The following CDK6 variants were observed in gnomAD, a reference collection of about 807,000 sequenced individuals.
CDK6 encodes the protein cyclin-dependent kinase 6.
CDK6 carries 6 observed loss-of-function variants against 37.1 expected under a neutral mutation model. The ratio of observed to expected loss-of-function variants is 0.16; its 90% confidence interval spans 0.09 to 0.32. CDK6 has a LOEUF of 0.32. Ranked by LOEUF, CDK6 falls within the 10% of genes least tolerant of loss-of-function variation. CDK6 has a pLI of 1.00. For synonymous variants in CDK6, 160 were observed against 161.3 expected (o/e 0.99, Z 0.06); for missense variants, 224 against 418.9 (o/e 0.53, Z 4.06).
At chr7:92,670,435 C>G (rs926951405) in intron 5 of CDK6, among the ~76,000 whole-genome samples, 1 of 152,102 alleles carries the variant, frequency 6.6e-6, no homozygotes, top group Admixed American at 6.6e-5. Context: ...TGTGAGCTAC[C>G]ATGGAGCTAC....
chr7:92,720,978 T>C (rs1355795977), intron 4 of CDK6, among the ~76,000 whole-genome samples: 4 of 152,232 alleles, frequency 2.6e-5, no homozygotes, highest in Non-Finnish European at 5.9e-5. Flanking sequence ...CCCTGTAACC[T>C]GTTCTCATTG....
rs1239555460 is a variant in CDK6 at position 92,614,337 on chromosome 7, A to AAATAGCCTGT, written c.*802_*803insACAGGCTATT. The AAATAGCCTGT allele has an allele frequency of 1.3e-5, 3 of 230,794 alleles. No homozygotes were observed. The highest frequency in any genetic ancestry group is 5.6e-5 in the Admixed American group (1 of 17,770). The allele number at this position is 230,794 out of a possible 1,614,324, so 14.3% of individuals were successfully genotyped here. A position where few individuals can be genotyped will look rare whatever the true frequency, so the allele number is the denominator to read the frequency against. ...TAAAAAGCTTACAGGCTATTTTCCA[A>AAATAGCCTGT]AAGAAATGATAAAGCATGATGTCAT... is the stretch of plus-strand genomic sequence containing the variant. On this transcript the variant is annotated 3_prime_UTR_variant, in exon 8 of 8. Transcript: ENST00000424848.
chr7:92,826,489 A>G (rs1801315889), intron 2 of CDK6, among the ~76,000 whole-genome samples: 1 of 152,148 alleles, frequency 6.6e-6, no homozygotes, highest in South Asian at 2.1e-4. Flanking sequence ...GAGAGGTACC[A>G]AGTGCACATT....
At chr7:92,799,833 G>A (rs1000802375) in intron 2 of CDK6, among the ~76,000 whole-genome samples, 3 of 152,132 alleles carry the variant, frequency 2.0e-5, no homozygotes, top group Non-Finnish European at 2.9e-5. Flanking sequence ...TTCCTATCTG[G>A]ATGGAGCTCT....
chr7:92,712,419 T>C (rs1235124629), intron 4 of CDK6, among the ~76,000 whole-genome samples: 2 of 151,584 alleles, frequency 1.3e-5, no homozygotes, highest in Non-Finnish European at 3.0e-5. Context: ...GGACTAACAA[T>C]ACTTGAGAAC....
rs114083221 is a variant in CDK6 at position 92,678,277 on chromosome 7, T to A, written c.538-6742A>T. On this transcript the variant is annotated intron_variant, in intron 4 of 7. Coordinates refer to ENST00000424848, the MANE Select transcript of CDK6 (RefSeq NM_001145306.2). The stretch of plus-strand genomic sequence containing the variant: ...CAAAAGTCGCTACTAATGGTAACAA[T>A]GCAGTTGTCTAGTAAGCAAAGACAA... Among the ~76,000 whole-genome samples, 490 of 152,272 alleles carry A rather than the reference T, an allele frequency of 3.2e-3. 1 individual carries two copies. Among genetic ancestry groups the A allele is most frequent in the African/African-American group, 0.011 (464 of 41,560 alleles).
At chr7:92,709,754 C>A (rs1321478791) in intron 4 of CDK6, among the ~76,000 whole-genome samples, 1 of 151,972 alleles carries the variant, frequency 6.6e-6, no homozygotes, top group Non-Finnish European at 1.5e-5. Flanking sequence ...AAAAGCAATC[C>A]TTAGCTTCCT....
chr7:92,790,346 A>G (rs1800251020), intron 2 of CDK6, among the ~76,000 whole-genome samples: 1 of 152,152 alleles, frequency 6.6e-6, no homozygotes, highest in Non-Finnish European at 1.5e-5. Context: ...ACCCTTGGCC[A>G]GTTTTCTACA....
rs1479181745 is a variant in CDK6 at position 92,778,946 on chromosome 7, T to TATATATATATATATATATATATAAAA, written c.234-4116_234-4115insTTTTATATATATATATATATATATAT. On this transcript the variant is annotated intron_variant, in intron 2 of 7. Transcript: ENST00000424848. ...TATCATATATATATATATATATATA[T>TATATATATATATATATATATATAAAA]AAGATATTATAGTAATTTCCAAAAG... Among the ~76,000 whole-genome samples the TATATATATATATATATATATATAAAA allele has an allele frequency of 1.2e-4, 16 of 135,000 alleles. 1 individual carries two copies. Among genetic ancestry groups the TATATATATATATATATATATATAAAA allele is most frequent in the African/African-American group, 4.5e-4 (15 of 33,546 alleles). 88.6% of individuals were successfully genotyped at this position (135,000 alleles called of 152,430 possible). A position where few individuals can be genotyped will look rare whatever the true frequency, so the allele number is the denominator to read the frequency against.
chr7:92,748,740 T>C (rs1336212251), intron 3 of CDK6, among the ~76,000 whole-genome samples: 2 of 152,174 alleles, frequency 1.3e-5, no homozygotes, highest in African/African-American at 4.8e-5. Context: ...CTCTCAGTAC[T>C]ACAGTACTTC....
At chr7:92,808,789 C>T (rs1800792462) in intron 2 of CDK6, among the ~76,000 whole-genome samples, 1 of 152,094 alleles carries the variant, frequency 6.6e-6, no homozygotes. Context: ...AAATATGTTT[C>T]TGAATGAAAG....
intron 3 of CDK6, among the ~76,000 whole-genome samples, chr7:92,744,343 G>A (rs6965964): frequency 0.039 from 5,887 of 152,144 alleles, 384 homozygotes; most frequent in African/African-American, 0.13. Context: ...AAGCAAAATG[G>A]GCTTCCCCTT....
intron 3 of CDK6, among the ~76,000 whole-genome samples, chr7:92,757,531 C>T (rs1799345436): frequency 6.6e-6 from 1 of 152,150 alleles, no homozygotes; most frequent in African/African-American, 2.4e-5. Flanking sequence ...ATATGTACCA[C>T]ATTTTCTTTA....
chr7:92,671,811 T>G (rs1043753289), intron 4 of CDK6, among the ~76,000 whole-genome samples: 1 of 152,132 alleles, frequency 6.6e-6, no homozygotes. Context: ...AAAAAAATTT[T>G]TTTTAAACTT....
chr7:92,735,406 T>C (rs1798761273), intron 3 of CDK6, among the ~76,000 whole-genome samples: 1 of 152,172 alleles, frequency 6.6e-6, no homozygotes, highest in Non-Finnish European at 1.5e-5. Flanking sequence ...TAGGTAGTTT[T>C]TCAGCTCTTC....
intron 3 of CDK6, among the ~76,000 whole-genome samples, chr7:92,730,721 C>T (rs1798624937): frequency 6.6e-6 from 1 of 152,174 alleles, no homozygotes; most frequent in South Asian, 2.1e-4. Context: ...TTTCCTTCCT[C>T]TTTAAGGTTA....
Position 92,701,303 on chromosome 7 carries a change from G to A in CDK6, c.537+24323C>T, listed in dbSNP as rs554391970. Among the ~76,000 whole-genome samples, 10 of 152,268 alleles carry A rather than the reference G, an allele frequency of 6.6e-5. No individual in the cohort carries two copies. The South Asian group carries it at 2.1e-3, about 32-fold the overall frequency. On this transcript the variant is annotated intron_variant, in intron 4 of 7. Transcript: ENST00000424848. ...ATTTGCAAGTATATGTTGTAGAGAT[G>A]CACTGATGGAATTCACATTCAAAGG...
At chr7:92,618,318 C>T (rs375887568) in intron 6 of CDK6, 111 bp from the exon 7 acceptor site, 1 of 1,006,400 alleles carries the variant, frequency 9.9e-7, no homozygotes. Context: ...GGGGCAGAGT[C>T]CCAGGAGACC....
chr7:92,823,882 G>A (rs1243061682), intron 2 of CDK6, among the ~76,000 whole-genome samples: 1 of 151,884 alleles, frequency 6.6e-6, no homozygotes. Context: ...GCCCAGTCTG[G>A]TCTCTAACTT....
Sources: gnomAD v4.1 joint callset for allele counts (sites outside exome capture counted in the v4.1 genomes callset) on GRCh38, gnomAD v4.1.1 for gene constraint, MANE v1.5 for transcripts, NCBI Gene and HGNC (gene_info 2026-07-23, HGNC 2026-07-21) for gene names.